Variants in XYLT1 observed in about 807,000 individuals in gnomAD.
XYLT1 encodes the protein beta-D-xylosyltransferase 1.
A neutral mutation model predicts 91.3 loss-of-function variants in XYLT1; 36 were observed. The ratio of observed to expected loss-of-function variants is 0.39; its 90% CI spans 0.30 to 0.52. The LOEUF is 0.52. XYLT1 is among the 20% of genes least tolerant of loss of function. The probability of loss-of-function intolerance (pLI) is 0.68; values close to 1 mark genes in which losing one functional copy is unlikely to be tolerated. For missense variants in XYLT1, 1,242 were observed against 1,284.5 expected, an observed-to-expected ratio of 0.97 and a Z score of 0.51; for synonymous variants, 588 against 532.0, an observed-to-expected ratio of 1.11 and a Z score of -1.45.
At chr16:17,159,591 G>A (rs1340628250) in intron 5 of XYLT1, among the ~76,000 whole-genome samples, 1 of 152,184 alleles carries the variant, frequency 6.6e-6, no homozygotes, top group Non-Finnish European at 1.5e-5. Flanking sequence ...AGTGATGTGT[G>A]TTCAAACTGA....
intron 3 of XYLT1, among the ~76,000 whole-genome samples, chr16:17,226,352 T>C (rs1174493412): frequency 1.3e-5 from 2 of 152,204 alleles, no homozygotes; most frequent in Non-Finnish European, 2.9e-5. Flanking sequence ...ACCCTTGTAC[T>C]ATAGCACTAC....
At position 17,108,900 on chromosome 16, in the gene XYLT1, C is replaced by T. The variant is rs35309694; in HGVS notation, c.2675G>A (p.Arg892Gln). ...TGTGCCCGTGGAGGCTGCGTTCCTCCGTGCCTGTTCCACCTGGGCGGGGTT... is the reference window on the plus strand; with the variant it reads ...TGTGCCCGTGGAGGCTGCGTTCCTCTGTGCCTGTTCCACCTGGGCGGGGTT... ...PINPAQVEQA[R>Q]RNAASTGTAL... The change falls in exon 12 of 12, where the codon CGG becomes CAG. Residue 892 changes from arginine to glutamine, a missense_variant. Around this residue, in one of 3 missense-constraint regions of XYLT1, gnomAD observed 511 missense variants for 497.0 expected, o/e 1.03. Coordinates refer to ENST00000261381, the MANE Select transcript of XYLT1 (RefSeq NM_022166.4). 45,267 of 1,607,980 alleles carry T rather than the reference C, an allele frequency of 0.028. 4,442 individuals are homozygous for T. In the African/African-American group the frequency reaches 0.31, roughly 11 times the overall value.
intron 1 of XYLT1, among the ~76,000 whole-genome samples, chr16:17,426,421 G>A (rs558391656): frequency 1.1e-4 from 16 of 152,112 alleles, no homozygotes; most frequent in African/African-American, 1.7e-4. Flanking sequence ...GTAGCCAGGC[G>A]TGGTGGTCCA....
chr16:17,223,832 T>C (rs1054615009), intron 3 of XYLT1, among the ~76,000 whole-genome samples: 1 of 152,350 alleles, frequency 6.6e-6, no homozygotes, highest in Middle Eastern at 3.4e-3. Context: ...AGTTTACCCA[T>C]CTCTGGTTGA....
chr16:17,361,893 T>C (rs370304645), intron 1 of XYLT1, among the ~76,000 whole-genome samples: 4 of 152,266 alleles, frequency 2.6e-5, no homozygotes, highest in African/African-American at 9.6e-5. Context: ...AAGTTCTCAC[T>C]ATGTTCCAGG....
intron 2 of XYLT1, among the ~76,000 whole-genome samples, chr16:17,262,748 G>T (rs1596455181): frequency 1.3e-5 from 2 of 152,084 alleles, no homozygotes; most frequent in East Asian, 3.9e-4. Flanking sequence ...CCCTGAGTGA[G>T]GCCCATGTGG....
intron 2 of XYLT1, among the ~76,000 whole-genome samples, chr16:17,280,224 C>A (rs2034037156): frequency 6.6e-6 from 1 of 152,198 alleles, no homozygotes; most frequent in African/African-American, 2.4e-5. Flanking sequence ...GGCGGCAGCA[C>A]CTGTAATCCC....
chr16:17,141,310 C>A lies in XYLT1; in HGVS notation c.1430G>T (p.Arg477Leu). Residue 477 changes from arginine (R) to leucine (L), a missense_variant, in exon 7 of 12, where the codon CGC becomes CTC. Arg to Leu is a moderately radical substitution (Grantham distance 102, BLOSUM62 -2). Coordinates refer to ENST00000261381, the MANE Select transcript of XYLT1 (RefSeq NM_022166.4). ...LFLECDAHMW[R>L]LGDRRIPEGI... ...CTCTGGGATCCGCCGATCTCCCAGGCGCCACATGTGAGCGTCGCACTCCAG... is the reference window on the plus strand; with the variant it reads ...CTCTGGGATCCGCCGATCTCCCAGGAGCCACATGTGAGCGTCGCACTCCAG... 1.2e-6 allele frequency: 2 copies of A among 1,614,186 alleles called. No homozygotes were observed. The highest frequency in any genetic ancestry group is 8.5e-7 in the Non-Finnish European group (1 of 1,180,044).
chr16:17,206,001 G>T (rs1178819709), intron 3 of XYLT1, among the ~76,000 whole-genome samples: 1 of 152,164 alleles, frequency 6.6e-6, no homozygotes, highest in East Asian at 1.9e-4. Context: ...CTCCCAGCTG[G>T]AGCCCAGCTT....
intron 1 of XYLT1, among the ~76,000 whole-genome samples, chr16:17,384,406 A>G (rs1362762280): frequency 6.6e-6 from 1 of 151,716 alleles, no homozygotes; most frequent in African/African-American, 2.4e-5. Context: ...TCACCCACTG[A>G]TCACCTCCCT....
intron 3 of XYLT1, among the ~76,000 whole-genome samples, chr16:17,204,386 T>A (rs904793743): frequency 2.6e-5 from 4 of 151,902 alleles, no homozygotes; most frequent in African/African-American, 9.7e-5. Context: ...TATAAAGTCA[T>A]CTTTGGGTCA....
chr16:17,299,309 T>C (rs2034359798), intron 2 of XYLT1, among the ~76,000 whole-genome samples: 1 of 152,072 alleles, frequency 6.6e-6, no homozygotes. Context: ...TTGGGGGAAA[T>C]AACAGAATGA....
intron 5 of XYLT1, among the ~76,000 whole-genome samples, chr16:17,171,612 G>A (rs2031821662): frequency 6.6e-6 from 1 of 152,192 alleles, no homozygotes; most frequent in Admixed American, 6.5e-5. Flanking sequence ...TTTAAACAGA[G>A]GACACAGGCC....
rs1429073864 is a variant in XYLT1 at position 17,104,795 on chromosome 16, G to T, written c.*3900C>A. On this transcript the variant is annotated 3_prime_UTR_variant, in exon 12 of 12. Coordinates refer to ENST00000261381, the MANE Select transcript of XYLT1 (RefSeq NM_022166.4). ...AATGACAGGTTGGGGCTGAGTAGCA[G>T]CTGCTCATTCTGGGTAGGTCACGTG... 1.3e-5 allele frequency: 2 copies of T among 152,200 alleles called. No individual in the cohort carries two copies. The highest frequency in any genetic ancestry group is 4.8e-5 in the African/African-American group (2 of 41,432). The allele number at this position is 152,200 out of a possible 1,614,324, so 9.4% of individuals were successfully genotyped here. A position where few individuals can be genotyped will look rare whatever the true frequency, so the allele number is the denominator to read the frequency against.
chr16:17,207,272 T>A (rs746473177), intron 3 of XYLT1, among the ~76,000 whole-genome samples: 2 of 152,038 alleles, frequency 1.3e-5, no homozygotes, highest in Non-Finnish European at 2.9e-5. Flanking sequence ...GTTGGCTGGG[T>A]TGGTCTCGAA....
chr16:17,306,340 C>T (rs2034470416), intron 2 of XYLT1, among the ~76,000 whole-genome samples: 1 of 152,118 alleles, frequency 6.6e-6, no homozygotes, highest in Admixed American at 6.6e-5. Context: ...ACCCTATATA[C>T]TGACTTTGAA....
chr16:17,344,821 C>T (rs942375933), intron 2 of XYLT1, among the ~76,000 whole-genome samples: 31 of 152,058 alleles, frequency 2.0e-4, no homozygotes, highest in Non-Finnish European at 4.1e-4. Flanking sequence ...CTGCCTCAGC[C>T]TCCCGAGTAG....
At chr16:17,274,691 C>A (rs2033945975) in intron 2 of XYLT1, among the ~76,000 whole-genome samples, 1 of 152,042 alleles carries the variant, frequency 6.6e-6, no homozygotes. Context: ...AGTTTTCCAG[C>A]CTCATCTTGA....
chr16:17,372,352 A>G (rs963394935), intron 1 of XYLT1, among the ~76,000 whole-genome samples: 35 of 152,242 alleles, frequency 2.3e-4, no homozygotes, highest in African/African-American at 8.4e-4. Flanking sequence ...GCAGACTTCA[A>G]AAATTAAGGC....
Sources: allele counts gnomAD v4.1 joint callset (sites outside exome capture counted in the v4.1 genomes callset), GRCh38; gene constraint gnomAD v4.1.1; regional missense constraint gnomAD v4.1.1; transcripts MANE v1.5; gene names NCBI Gene and HGNC (gene_info 2026-07-23, HGNC 2026-07-21).